The following RASGRP1 variants were observed in gnomAD, a reference collection of about 807,000 sequenced individuals.
RASGRP1 encodes the protein RAS guanyl-releasing protein 1.
A neutral mutation model predicts 95.1 loss-of-function variants in RASGRP1; 37 were observed. That is an observed-to-expected ratio of 0.39 (90% CI 0.30 to 0.51). RASGRP1 has a LOEUF of 0.51. Among genes scored for constraint, RASGRP1 ranks in the 20% least tolerant of loss-of-function variants. The probability of loss-of-function intolerance (pLI) is 0.80; values close to 1 mark genes in which losing one functional copy is unlikely to be tolerated. For missense variants in RASGRP1, 711 were observed against 965.4 expected, an observed-to-expected ratio of 0.74 and a Z score of 3.49; for synonymous variants, 325 against 353.4, an observed-to-expected ratio of 0.92 and a Z score of 0.90.
chr15:38,557,621 G>C (rs1893620525), intron 2 of RASGRP1, among the ~76,000 whole-genome samples: 1 of 150,886 alleles, frequency 6.6e-6, no homozygotes, highest in African/African-American at 2.5e-5. Context: ...GTGTGTGTGT[G>C]TGTGTGTGTA....
At chr15:38,563,455 C>T (rs1893894631) in intron 1 of RASGRP1, among the ~76,000 whole-genome samples, 1 of 152,156 alleles carries the variant, frequency 6.6e-6, no homozygotes, top group Non-Finnish European at 1.5e-5. Context: ...AAATCCTCTC[C>T]AGGCATAGGT....
chr15:38,493,048 T>C (rs1049531671), intron 16 of RASGRP1, among the ~76,000 whole-genome samples: 1 of 151,744 alleles, frequency 6.6e-6, no homozygotes, highest in Non-Finnish European at 1.5e-5. Context: ...GCCTGGCTAA[T>C]TTTTTATATT....
intron 2 of RASGRP1, among the ~76,000 whole-genome samples, chr15:38,558,382 A>C (rs1257942469): frequency 6.6e-6 from 1 of 152,244 alleles, no homozygotes; most frequent in Non-Finnish European, 1.5e-5. Context: ...AGTGTGAAAT[A>C]AGATTGAAGT....
chr15:38,517,216 T>C (rs1566921352), intron 5 of RASGRP1, among the ~76,000 whole-genome samples: 1 of 152,188 alleles, frequency 6.6e-6, no homozygotes, highest in African/African-American at 2.4e-5. Flanking sequence ...TCCTCAGTTA[T>C]ATCTGGCCAA....
intron 5 of RASGRP1, among the ~76,000 whole-genome samples, chr15:38,517,015 G>A (rs886314320): frequency 5.9e-5 from 9 of 152,112 alleles, no homozygotes; most frequent in African/African-American, 2.2e-4. Flanking sequence ...CAAGCAAAGG[G>A]AAGCGGCCCC....
At chr15:38,558,577 C>T (rs1893667955) in intron 2 of RASGRP1, among the ~76,000 whole-genome samples, 2 of 152,254 alleles carry the variant, frequency 1.3e-5, no homozygotes, top group Admixed American at 6.5e-5. Context: ...AATTCTTGTG[C>T]CCCACCCCAG....
At chr15:38,550,531 T>C (rs1391782310) in intron 2 of RASGRP1, among the ~76,000 whole-genome samples, 3 of 152,208 alleles carry the variant, frequency 2.0e-5, no homozygotes, top group African/African-American at 7.2e-5. Flanking sequence ...ATCATTTCAG[T>C]TGCCAAGCAA....
At chr15:38,529,948 G>A (rs1239913791) in intron 2 of RASGRP1, among the ~76,000 whole-genome samples, 1 of 152,152 alleles carries the variant, frequency 6.6e-6, no homozygotes, top group Non-Finnish European at 1.5e-5. Flanking sequence ...TTATAGTTTT[G>A]TAAATCTTTC....
At chr15:38,530,308 C>A (rs966490299) in intron 2 of RASGRP1, among the ~76,000 whole-genome samples, 1 of 152,148 alleles carries the variant, frequency 6.6e-6, no homozygotes, top group Non-Finnish European at 1.5e-5. Flanking sequence ...TTGGAGCTGG[C>A]GTGCTGTTTC....
intron 2 of RASGRP1, among the ~76,000 whole-genome samples, chr15:38,544,516 T>C (rs901818236): frequency 3.6e-4 from 55 of 152,322 alleles, no homozygotes; most frequent in African/African-American, 1.3e-3. Context: ...ATGGATTAAC[T>C]CCATATCTTG....
At chr15:38,557,548 ACTT>A (rs1893615150) in intron 2 of RASGRP1, among the ~76,000 whole-genome samples, 1 of 151,498 alleles carries the variant, frequency 6.6e-6, no homozygotes, top group African/African-American at 2.4e-5. Flanking sequence ...TGGTATAAAA[ACTT>A]ACTCTTCCTG....
intron 3 of RASGRP1, among the ~76,000 whole-genome samples, chr15:38,520,483 A>G (rs1304593850): frequency 6.6e-6 from 1 of 152,204 alleles, no homozygotes; most frequent in Non-Finnish European, 1.5e-5. Flanking sequence ...GCATTTTGAA[A>G]TTGTATATGC....
intron 2 of RASGRP1, among the ~76,000 whole-genome samples, chr15:38,542,869 ATG>A (rs1555403785): frequency 7.1e-6 from 1 of 140,428 alleles, no homozygotes; most frequent in African/African-American, 2.6e-5. Context: ...ATACACATAT[ATG>A]TGTATATATA....
Position 38,564,724 on chromosome 15 carries a change from C to T in RASGRP1, c.-96G>A. On this transcript the variant is annotated 5_prime_UTR_variant, in exon 1 of 17. Coordinates refer to ENST00000310803, the MANE Select transcript of RASGRP1 (RefSeq NM_005739.4). ...CCGCCGCCGCCTGCCGGCTCTCTCC[C>T]CCCCGGGCCTCGTAGCCCCGGCGCC... The T allele has an allele frequency of 3.8e-6, 4 of 1,064,918 alleles. No individual in the cohort carries two copies. The highest frequency in any genetic ancestry group is 4.4e-5 in the East Asian group (1 of 22,734). 66.0% of individuals were successfully genotyped at this position (1,064,918 alleles called of 1,614,324 possible).
At chr15:38,509,515 T>G (rs1257718955) in intron 8 of RASGRP1, among the ~76,000 whole-genome samples, 2 of 152,084 alleles carry the variant, frequency 1.3e-5, no homozygotes, top group African/African-American at 2.4e-5. Flanking sequence ...TCACCTGAGG[T>G]CCAAAGTTCA....
At position 38,506,397 on chromosome 15, in the gene RASGRP1, G is replaced by A. The variant is rs185486784; in HGVS notation, c.1243-477C>T. Among the ~76,000 whole-genome samples the A allele has an allele frequency of 2.0e-5, 3 of 152,316 alleles. No homozygotes were observed. In the East Asian group the frequency reaches 5.8e-4, roughly 29 times the overall value. The stretch of plus-strand genomic sequence containing the variant: ...TGCCTGTATTCCCAGCATTTTGGGA[G>A]GCCAGGGCAGGTTGATTGCTTGAGC... On this transcript the variant is annotated intron_variant, in intron 9 of 16. Transcript: ENST00000310803.
intron 1 of RASGRP1, among the ~76,000 whole-genome samples, chr15:38,560,480 G>C (rs148125040): frequency 2.7e-4 from 41 of 152,262 alleles, no homozygotes; most frequent in African/African-American, 8.9e-4. Context: ...TCGGGAGTTC[G>C]AGATCATCTT....
At chr15:38,518,958 C>T (rs1891893207) in intron 4 of RASGRP1, among the ~76,000 whole-genome samples, 1 of 152,046 alleles carries the variant, frequency 6.6e-6, no homozygotes, top group Non-Finnish European at 1.5e-5. Flanking sequence ...AAATAGGTAA[C>T]TGGATATGAG....
intron 3 of RASGRP1, 143 bp downstream of exon 3, chr15:38,526,156 C>G: frequency 1.5e-6 from 1 of 673,858 alleles, no homozygotes; most frequent in East Asian, 2.8e-5. Flanking sequence ...AACACATGCA[C>G]CCATACCCCT....
Sources: allele counts gnomAD v4.1 joint callset (sites outside exome capture counted in the v4.1 genomes callset), GRCh38; gene constraint gnomAD v4.1.1; transcripts MANE v1.5; gene names NCBI Gene and HGNC (gene_info 2026-07-23, HGNC 2026-07-21).